Variants in DOCK4 observed in about 807,000 individuals in gnomAD.
The protein encoded by DOCK4 is dedicator of cytokinesis protein 4.
In DOCK4, 97 loss-of-function variants were observed where a neutral mutation model predicts 268.1. That is an observed-to-expected ratio of 0.36 (90% CI 0.31 to 0.43). The LOEUF is 0.43. Among genes scored for constraint, DOCK4 ranks in the 20% least tolerant of loss-of-function variants. The pLI is 1.00. For synonymous variants in DOCK4, 954 were observed against 887.2 expected, an observed-to-expected ratio of 1.08 and a Z score of -1.34; for missense variants, 2,145 against 2,455.7, an observed-to-expected ratio of 0.87 and a Z score of 2.67.
chr7:112,101,027 G>C (rs1037660175), intron 1 of DOCK4, among the ~76,000 whole-genome samples: 1 of 152,152 alleles, frequency 6.6e-6, no homozygotes, highest in Non-Finnish European at 1.5e-5. Flanking sequence ...TATTGTAAGA[G>C]TCTCCTAGAA....
chr7:111,859,887 A>G (rs1337317788), intron 23 of DOCK4, among the ~76,000 whole-genome samples: 1 of 152,178 alleles, frequency 6.6e-6, no homozygotes. Flanking sequence ...TTTTTAAATG[A>G]AAGGTCAGAA....
chr7:111,778,249 C>G (rs1418417277), intron 36 of DOCK4, 27 bp downstream of exon 36: 1 of 1,532,572 alleles, frequency 6.5e-7, no homozygotes, highest in South Asian at 1.1e-5. Context: ...AGCTCCCTTC[C>G]CAATCTGAGC....
At chr7:111,753,405 G>A (rs1796823153) in intron 42 of DOCK4, among the ~76,000 whole-genome samples, 1 of 152,116 alleles carries the variant, frequency 6.6e-6, no homozygotes, top group Non-Finnish European at 1.5e-5. Context: ...AGCCCGGGAG[G>A]TCAAGGCTGC....
intron 12 of DOCK4, among the ~76,000 whole-genome samples, chr7:111,927,371 G>A (rs1250621246): frequency 6.6e-6 from 1 of 152,196 alleles, no homozygotes; most frequent in African/African-American, 2.4e-5. Flanking sequence ...TAATGTCACA[G>A]AATGTCAAAT....
In DOCK4 at chr7:112,048,389, C is replaced by CAA. The variant is rs59810546; in HGVS notation, c.38-44260_38-44259dup. 7.0e-3 allele frequency among the ~76,000 whole-genome samples: 505 copies of CAA among 72,056 alleles called. 1 individual carries two copies. The highest frequency in any genetic ancestry group is 0.015 in the African/African-American group (406 of 26,626). 47.3% of individuals were successfully genotyped at this position (72,056 alleles called of 152,430 possible). A position where few individuals can be genotyped will look rare whatever the true frequency, so the allele number is the denominator to read the frequency against. On this transcript the variant is annotated intron_variant, in intron 1 of 52. Coordinates refer to ENST00000428084, the MANE Select transcript of DOCK4 (RefSeq NM_001363540.2). ...TAAAACCCCATCTCTACTAAAAATACAAAAAAAAAAAAAAAAAAAAAAAAT... is the reference window on the plus strand; with the variant it reads ...TAAAACCCCATCTCTACTAAAAATACAAAAAAAAAAAAAAAAAAAAAAAAAAT...
chr7:112,019,062 G>A (rs1321088468), intron 1 of DOCK4, among the ~76,000 whole-genome samples: 1 of 152,146 alleles, frequency 6.6e-6, no homozygotes, highest in Non-Finnish European at 1.5e-5. Context: ...TTGCGATCCA[G>A]CTAATGCAAA....
chr7:111,944,933 CT>C, intron 9 of DOCK4, 62 bp from the exon 10 acceptor site: 1 of 1,363,956 alleles, frequency 7.3e-7, no homozygotes, highest in Non-Finnish European at 1.0e-6. Flanking sequence ...GGGCATAGCA[CT>C]TTATTTTCAC....
At chr7:112,157,012 T>C (rs1187774256) in intron 1 of DOCK4, among the ~76,000 whole-genome samples, 1 of 152,156 alleles carries the variant, frequency 6.6e-6, no homozygotes, top group Admixed American at 6.6e-5. Context: ...TTTTTTAATG[T>C]TATCTTCATT....
At chr7:111,904,651 A>C (rs1055255170) in intron 13 of DOCK4, among the ~76,000 whole-genome samples, 3 of 152,108 alleles carry the variant, frequency 2.0e-5, no homozygotes, top group African/African-American at 4.8e-5. Context: ...AAATACACTA[A>C]AGGCATTAGG....
intron 23 of DOCK4, among the ~76,000 whole-genome samples, chr7:111,862,588 T>TCAAG (rs761173580): frequency 1.4e-5 from 2 of 146,978 alleles, no homozygotes; most frequent in African/African-American, 5.1e-5. Context: ...TCTTCCAGGT[T>TCAAG]CAAGCAACTC....
chr7:112,022,829 C>G (rs1205362370), intron 1 of DOCK4, among the ~76,000 whole-genome samples: 1 of 152,194 alleles, frequency 6.6e-6, no homozygotes, highest in East Asian at 1.9e-4. Flanking sequence ...AACTCTGGTT[C>G]CCGGGCTGCA....
chr7:111,820,636 A>G (rs1163777795), intron 27 of DOCK4: 1 of 152,234 alleles, frequency 6.6e-6, no homozygotes. Flanking sequence ...TTTAATATCA[A>G]AAAGCCACAT....
Position 111,756,757 on chromosome 7 carries a change from CA to C in DOCK4, c.4330-1157del, listed in dbSNP as rs550324252. On this transcript the variant is annotated intron_variant, in intron 41 of 52. Transcript: ENST00000428084. ...ATAGTGCCATTTACTCAAACCACAA[CA>C]AAAAAAAAAATGGAAGAGTTTCTTT... 8.6e-4 allele frequency among the ~76,000 whole-genome samples: 124 copies of C among 143,444 alleles called. 1 individual carries two copies. Among genetic ancestry groups the C allele is most frequent in the Middle Eastern group, 3.6e-3 (1 of 278 alleles). 94.1% of individuals were successfully genotyped at this position (143,444 alleles called of 152,430 possible).
chr7:111,998,307 A>G (rs368866382), intron 4 of DOCK4, 141 bp downstream of exon 4: 4 of 648,776 alleles, frequency 6.2e-6, no homozygotes, highest in Middle Eastern at 3.5e-4. Flanking sequence ...TCTTAATGCA[A>G]TATATCTTTA....
At chr7:112,125,859 G>T (rs1485479140) in intron 1 of DOCK4, among the ~76,000 whole-genome samples, 1 of 152,032 alleles carries the variant, frequency 6.6e-6, no homozygotes, top group African/African-American at 2.4e-5. Context: ...CCCAGACTGG[G>T]ATACTGTGGC....
chr7:111,978,678 G>T (rs186154776), intron 7 of DOCK4, among the ~76,000 whole-genome samples: 1 of 152,330 alleles, frequency 6.6e-6, no homozygotes, highest in East Asian at 1.9e-4. Context: ...CTTGCAGTGA[G>T]GGACCAGGTT....
chr7:111,902,617 A>C (rs938755234), intron 13 of DOCK4, among the ~76,000 whole-genome samples: 1 of 152,004 alleles, frequency 6.6e-6, no homozygotes, highest in African/African-American at 2.4e-5. Flanking sequence ...GAAATAATAA[A>C]TGCATAGAGA....
At chr7:111,907,404 A>G (rs574195214) in intron 13 of DOCK4, among the ~76,000 whole-genome samples, 1 of 152,246 alleles carries the variant, frequency 6.6e-6, no homozygotes, top group African/African-American at 2.4e-5. Context: ...CCCTGTTGCC[A>G]TCCCACTCTG....
intron 13 of DOCK4, among the ~76,000 whole-genome samples, chr7:111,907,153 A>AT (rs11463402): frequency 0.34 from 52,290 of 151,916 alleles, 9,849 homozygotes; most frequent in African/African-American, 0.48. Flanking sequence ...TATATCTCCA[A>AT]TTCTCACACA....
Sources: allele counts gnomAD v4.1 joint callset (sites outside exome capture counted in the v4.1 genomes callset), GRCh38; gene constraint gnomAD v4.1.1; transcripts MANE v1.5; gene names NCBI Gene and HGNC (gene_info 2026-07-23, HGNC 2026-07-21).